The following SULF2 variants were observed in gnomAD, a reference collection of about 807,000 sequenced individuals.
SULF2 encodes sulfatase 2.
In SULF2, 52 loss-of-function variants were observed where a neutral mutation model predicts 107.7. The ratio of observed to expected loss-of-function variants is 0.48; its 90% CI spans 0.39 to 0.61. The LOEUF (loss-of-function observed/expected upper bound fraction) is 0.61, where lower values mean the gene tolerates loss of function less well. Ranked by LOEUF, SULF2 falls within the 20% of genes least tolerant of loss-of-function variation. SULF2 has a pLI of 0.00. For synonymous variants in SULF2, 460 were observed against 464.3 expected, an observed-to-expected ratio of 0.99 and a Z score of 0.12; for missense variants, 993 against 1,177.3, an observed-to-expected ratio of 0.84 and a Z score of 2.29.
At position 47,666,109 on chromosome 20, in the gene SULF2, T is replaced by A. The variant is rs780076456; in HGVS notation, c.1805+151A>T. On this transcript the variant is annotated intron_variant, in intron 12 of 20. Coordinates refer to ENST00000688720, the MANE Select transcript of SULF2 (RefSeq NM_001387048.1). The surrounding 1 kb of genome is among the most constrained non-coding windows in gnomAD (Gnocchi z 5.4). ...TCACCGATGTGTCACTTTAATGGGG[T>A]TGGCGGCTGAATAGTCGGGAAGGCC... is the stretch of plus-strand genomic sequence containing the variant. 2 of 1,612,268 alleles carry A rather than the reference T, an allele frequency of 1.2e-6. No homozygotes were observed. The highest frequency in any genetic ancestry group is 1.7e-6 in the Non-Finnish European group (2 of 1,179,234).
chr20:47,784,366 G>A (rs1012895866), intron 1 of SULF2, among the ~76,000 whole-genome samples: 42 of 152,194 alleles, frequency 2.8e-4, no homozygotes, highest in African/African-American at 9.6e-4. Context: ...TTCCAGAAAG[G>A]GGGGCAGGGA....
intron 17 of SULF2, among the ~76,000 whole-genome samples, chr20:47,662,331 G>A (rs900540703): frequency 1.3e-5 from 2 of 152,204 alleles, no homozygotes; most frequent in Non-Finnish European, 2.9e-5. Context: ...AGCTACCGGT[G>A]AGGGACTTAA....
chr20:47,681,527 C>T (rs1007073206), intron 7 of SULF2, among the ~76,000 whole-genome samples: 4 of 152,092 alleles, frequency 2.6e-5, no homozygotes, highest in South Asian at 2.1e-4. Flanking sequence ...TTCTGAGAGG[C>T]GTGGCAGATG....
At chr20:47,716,362 G>A (rs1286309307) in intron 3 of SULF2, among the ~76,000 whole-genome samples, 13 of 152,182 alleles carry the variant, frequency 8.5e-5, no homozygotes, top group African/African-American at 1.9e-4. Context: ...AAAATTAGCC[G>A]GGTGTGGTGG....
At chr20:47,733,650 G>A (rs2089666122) in intron 3 of SULF2, among the ~76,000 whole-genome samples, 1 of 152,146 alleles carries the variant, frequency 6.6e-6, no homozygotes, top group Admixed American at 6.5e-5. Flanking sequence ...GCAGGCGTCT[G>A]TAATCTCAGC....
At chr20:47,725,877 C>T (rs1417872559) in intron 3 of SULF2, among the ~76,000 whole-genome samples, 5 of 152,188 alleles carry the variant, frequency 3.3e-5, no homozygotes, top group Admixed American at 6.5e-5. Flanking sequence ...AAATCCCCTG[C>T]GACACGGATG....
rs1029093470 is a variant in SULF2 at position 47,750,045 on chromosome 20, G to C, written c.175+7144C>G. On this transcript the variant is annotated intron_variant, in intron 2 of 20. Coordinates refer to ENST00000688720, the MANE Select transcript of SULF2 (RefSeq NM_001387048.1). The stretch of plus-strand genomic sequence containing the variant: ...TCGCCAGGCTGGAGTGCAGTGGCGC[G>C]ATCTCAGCTCACTGCAACCTCCGCC... 2.6e-5 allele frequency among the ~76,000 whole-genome samples: 4 copies of C among 152,176 alleles called. No individual in the cohort carries two copies. In the South Asian group the frequency reaches 8.3e-4, roughly 32 times the overall value.
chr20:47,677,481 C>T (rs774091691), intron 8 of SULF2, among the ~76,000 whole-genome samples: 22 of 152,076 alleles, frequency 1.4e-4, no homozygotes, highest in Admixed American at 7.9e-4. Context: ...ACTCCCCCGG[C>T]ACTAGACGAG....
intron 3 of SULF2, among the ~76,000 whole-genome samples, chr20:47,713,751 G>GA (rs762177872): frequency 0.12 from 4,788 of 38,370 alleles, 224 homozygotes; most frequent in African/African-American, 0.2. Flanking sequence ...TTCTGTCTCT[G>GA]AAAAAAAAAA....
intron 11 of SULF2, among the ~76,000 whole-genome samples, chr20:47,670,095 G>C (rs1238085481): frequency 6.6e-6 from 1 of 152,222 alleles, no homozygotes; most frequent in East Asian, 1.9e-4. Flanking sequence ...GACATTTGCT[G>C]CCTGGCTGGC....
At chr20:47,682,835 G>A (rs1292441313) in intron 7 of SULF2, among the ~76,000 whole-genome samples, 159 bp downstream of exon 7, 2 of 152,158 alleles carry the variant, frequency 1.3e-5, no homozygotes, top group African/African-American at 4.8e-5. Context: ...CCCCAGCAGA[G>A]GGATATAACA....
chr20:47,721,315 C>A (rs767149956), intron 3 of SULF2, among the ~76,000 whole-genome samples: 8 of 151,462 alleles, frequency 5.3e-5, no homozygotes, highest in Non-Finnish European at 4.4e-5. Flanking sequence ...GGAAGCAGAG[C>A]GAGCTGGGGG....
intron 1 of SULF2, among the ~76,000 whole-genome samples, chr20:47,758,293 T>C (rs1195038690): frequency 2.7e-5 from 4 of 150,912 alleles, no homozygotes; most frequent in African/African-American, 9.7e-5. Flanking sequence ...CCTCAGCCTC[T>C]AGAGAAGCTG....
intron 1 of SULF2, among the ~76,000 whole-genome samples, chr20:47,765,375 A>C (rs1568922240): frequency 2.6e-4 from 30 of 114,288 alleles, no homozygotes. Flanking sequence ...ACAAAACAAA[A>C]AAAAAAAAAC....
rs771217866 is a variant in SULF2 at position 47,717,943 on chromosome 20, T to TA, written c.416-15274dup. On this transcript the variant is annotated intron_variant, in intron 3 of 20. Transcript: ENST00000688720. ...GATTCTCCTGCCTCAGCCTCCCGAGTAGCTGGGATTACAGGCATGCGCCAC... is the reference window on the plus strand; with the variant it reads ...GATTCTCCTGCCTCAGCCTCCCGAGTAAGCTGGGATTACAGGCATGCGCCAC... Among the ~76,000 whole-genome samples the TA allele has an allele frequency of 9.9e-5, 15 of 151,866 alleles. 1 individual carries two copies. Among genetic ancestry groups the TA allele is most frequent in the Admixed American group, 8.5e-4 (13 of 15,216 alleles).
rs550673833 is a variant in SULF2 at position 47,666,451 on chromosome 20, G to A, written c.1614C>T (p.Arg538=). 2.5e-6 allele frequency: 4 copies of A among 1,613,604 alleles called. No homozygotes were observed. Among genetic ancestry groups the A allele is most frequent in the South Asian group, 1.1e-5 (1 of 91,090 alleles). The change falls in exon 12 of 21, where the codon CGC becomes CGT. Residue 538 remains arginine, a synonymous_variant. Coordinates refer to ENST00000688720, the MANE Select transcript of SULF2 (RefSeq NM_001387048.1). The surrounding 1 kb of genome is among the most constrained non-coding windows in gnomAD (Gnocchi z 5.4). ...TGCCGTCCACCTCGATGGCCACTGA[G>A]CGGATGGAGCGACTGCGGACATAGC... The part of the protein sequence containing the change: ...KASYVRSRSI[R]SVAIEVDGRV...
At chr20:47,707,509 G>A (rs966432170) in intron 3 of SULF2, among the ~76,000 whole-genome samples, 11 of 152,004 alleles carry the variant, frequency 7.2e-5, no homozygotes, top group Non-Finnish European at 1.0e-4. Flanking sequence ...TGCCTGCTGC[G>A]AAACTCCCTC....
chr20:47,718,635 T>C (rs942957325), intron 3 of SULF2, among the ~76,000 whole-genome samples: 1 of 151,978 alleles, frequency 6.6e-6, no homozygotes, highest in African/African-American at 2.4e-5. Context: ...TTTTTAAAGG[T>C]GGAACCAATG....
At chr20:47,778,605 C>G (rs75912722) in intron 1 of SULF2, among the ~76,000 whole-genome samples, 14 of 151,796 alleles carry the variant, frequency 9.2e-5, no homozygotes, top group African/African-American at 3.4e-4. Context: ...CAGAAGGCAT[C>G]GTGCTGCCTA....
Sources: gnomAD v4.1 joint callset for allele counts (sites outside exome capture counted in the v4.1 genomes callset) on GRCh38, gnomAD v4.1.1 for gene constraint, Gnocchi (gnomAD v3.1) non-coding constraint, MANE v1.5 for transcripts, NCBI Gene and HGNC (gene_info 2026-07-23, HGNC 2026-07-21) for gene names.